Variants in CHCHD3 observed in about 807,000 individuals in gnomAD.
CHCHD3 encodes the protein MICOS complex subunit MIC19.
A neutral mutation model predicts 38.2 loss-of-function variants in CHCHD3; 20 were observed. The ratio of observed to expected loss-of-function variants is 0.52; its 90% confidence interval spans 0.37 to 0.76. The LOEUF (loss-of-function observed/expected upper bound fraction) is 0.76. CHCHD3 is among the 30% of genes least tolerant of loss of function. The pLI is 0.00. For missense variants in CHCHD3, 245 were observed against 279.2 expected (o/e 0.88, Z 0.87); for synonymous variants, 82 against 100.0 (o/e 0.82, Z 1.07).
At chr7:132,958,554 A>G (rs1811235840) in intron 4 of CHCHD3, among the ~76,000 whole-genome samples, 1 of 152,218 alleles carries the variant, frequency 6.6e-6, no homozygotes, top group African/African-American at 2.4e-5. Context: ...ATGTCTCATG[A>G]TATTAAATAC....
chr7:132,825,391 A>G (rs894747864), intron 6 of CHCHD3, among the ~76,000 whole-genome samples: 10 of 152,214 alleles, frequency 6.6e-5, no homozygotes, highest in African/African-American at 2.2e-4. Flanking sequence ...CTCAAGTTCA[A>G]AGACTTCAAA....
chr7:133,035,172 T>A lies in CHCHD3; in HGVS notation c.170-10545A>T. On this transcript the variant is annotated intron_variant, in intron 2 of 7. Transcript: ENST00000262570. This position sits in a 1 kb window ranked among gnomAD's most constrained non-coding sequence, Gnocchi z 4.7. Reference sequence around the variant, plus strand: ...AGCAGGGGCAGCCGCCTTTTTCTCCTCCTTCCGCTCAGCCTGGGGCTTCTG... The same window carrying A: ...AGCAGGGGCAGCCGCCTTTTTCTCCACCTTCCGCTCAGCCTGGGGCTTCTG... The A allele has an allele frequency of 6.2e-7, 1 of 1,613,716 alleles. No homozygotes were observed. The highest frequency in any genetic ancestry group is 8.5e-7 in the Non-Finnish European group (1 of 1,179,674).
At chr7:132,990,443 C>T (rs1812246062) in intron 3 of CHCHD3, among the ~76,000 whole-genome samples, 1 of 152,138 alleles carries the variant, frequency 6.6e-6, no homozygotes, top group South Asian at 2.1e-4. Flanking sequence ...TCAACTCCTC[C>T]CGCAAACAGC....
chr7:132,947,654 T>C (rs1810930901), intron 4 of CHCHD3, among the ~76,000 whole-genome samples: 1 of 152,024 alleles, frequency 6.6e-6, no homozygotes, highest in Admixed American at 6.6e-5. Context: ...GAAAACAATA[T>C]AAATTGATGG....
chr7:132,890,955 A>G (rs1809345185), intron 4 of CHCHD3, among the ~76,000 whole-genome samples: 2 of 152,220 alleles, frequency 1.3e-5, no homozygotes, highest in Non-Finnish European at 2.9e-5. Context: ...TTTCTTGTCA[A>G]AACTACATAT....
chr7:132,902,021 G>A (rs1200694022), intron 4 of CHCHD3, among the ~76,000 whole-genome samples: 3 of 152,004 alleles, frequency 2.0e-5, no homozygotes, highest in African/African-American at 7.2e-5. Flanking sequence ...GTGTAAGGAA[G>A]GGATCCAGTT....
chr7:133,048,137 TA>T (rs1301697860), intron 2 of CHCHD3, among the ~76,000 whole-genome samples: 1 of 150,640 alleles, frequency 6.6e-6, no homozygotes, highest in Non-Finnish European at 1.5e-5. Context: ...GATCCTAGGT[TA>T]AATAAAAAAA....
chr7:132,967,518 C>T (rs1011885761), intron 4 of CHCHD3, among the ~76,000 whole-genome samples: 1 of 151,966 alleles, frequency 6.6e-6, no homozygotes, highest in Non-Finnish European at 1.5e-5. Context: ...TGGCCGGGTG[C>T]TGTGGCTGAC....
chr7:132,826,827 A>G (rs1807520551), intron 6 of CHCHD3, among the ~76,000 whole-genome samples: 1 of 152,214 alleles, frequency 6.6e-6, no homozygotes, highest in Non-Finnish European at 1.5e-5. Flanking sequence ...CTGCCTTTGA[A>G]ATCCCTTTAT....
chr7:133,024,163 T>C (rs1007995741), intron 3 of CHCHD3, among the ~76,000 whole-genome samples: 1 of 152,246 alleles, frequency 6.6e-6, no homozygotes, highest in African/African-American at 2.4e-5. Flanking sequence ...TCACACACGA[T>C]ATTCATCATG....
At chr7:132,850,950 A>G (rs950705097) in intron 5 of CHCHD3, among the ~76,000 whole-genome samples, 5 of 152,100 alleles carry the variant, frequency 3.3e-5, no homozygotes, top group African/African-American at 1.2e-4. Flanking sequence ...TATTTCCTTT[A>G]AATTTCTCTA....
At chr7:133,049,883 A>T (rs183331831) in intron 2 of CHCHD3, among the ~76,000 whole-genome samples, 4 of 152,226 alleles carry the variant, frequency 2.6e-5, no homozygotes, top group African/African-American at 9.6e-5. Context: ...CCTTGGTCAA[A>T]GTCCTTTTTA....
In CHCHD3 at chr7:132,914,776, A is replaced by ACAGATAAT. The variant is rs368655577; in HGVS notation, c.370-29039_370-29032dup. Among the ~76,000 whole-genome samples the ACAGATAAT allele has an allele frequency of 3.0e-3, 460 of 152,308 alleles. 1 individual carries two copies. Among genetic ancestry groups the ACAGATAAT allele is most frequent in the African/African-American group, 0.011 (441 of 41,570 alleles). Reference sequence around the variant, plus strand: ...GTGGGAGGACAGGGACTCTGAAATGACAGATAATCAGATTACCGAAACACA... The same window carrying ACAGATAAT: ...GTGGGAGGACAGGGACTCTGAAATGACAGATAATCAGATAATCAGATTACCGAAACACA... On this transcript the variant is annotated intron_variant, in intron 4 of 7. Coordinates refer to ENST00000262570, the MANE Select transcript of CHCHD3 (RefSeq NM_017812.4).
At chr7:132,876,715 A>G (rs1362735850) in intron 5 of CHCHD3, among the ~76,000 whole-genome samples, 2 of 152,210 alleles carry the variant, frequency 1.3e-5, no homozygotes, top group African/African-American at 4.8e-5. Flanking sequence ...ACAGTAGTCC[A>G]TTCTAAGCTC....
At chr7:132,889,523 T>C (rs564994006) in intron 4 of CHCHD3, among the ~76,000 whole-genome samples, 9 of 152,224 alleles carry the variant, frequency 5.9e-5, no homozygotes, top group African/African-American at 2.2e-4. Flanking sequence ...TGAAAAAGTT[T>C]AAAATAACAT....
At chr7:132,839,061 A>G (rs1807872912) in intron 5 of CHCHD3, among the ~76,000 whole-genome samples, 1 of 152,042 alleles carries the variant, frequency 6.6e-6, no homozygotes, top group Non-Finnish European at 1.5e-5. Flanking sequence ...GCATGGTGGC[A>G]CATGCCTGTA....
At chr7:132,983,774 A>G (rs971634284) in intron 3 of CHCHD3, among the ~76,000 whole-genome samples, 1 of 152,148 alleles carries the variant, frequency 6.6e-6, no homozygotes, top group Non-Finnish European at 1.5e-5. Context: ...GGTAAGTACC[A>G]TAGATTGAGG....
intron 1 of CHCHD3, among the ~76,000 whole-genome samples, chr7:133,076,565 C>G (rs1584690801): frequency 6.6e-6 from 1 of 152,158 alleles, no homozygotes; most frequent in African/African-American, 2.4e-5. Context: ...TTGTGGTACT[C>G]ACCACACCAA....
At chr7:133,030,479 G>A (rs1813469464) in intron 2 of CHCHD3, among the ~76,000 whole-genome samples, 1 of 152,184 alleles carries the variant, frequency 6.6e-6, no homozygotes, top group African/African-American at 2.4e-5. Flanking sequence ...TTAGCACAGT[G>A]AGTTTCCAAG....
Sources: gnomAD v4.1 joint callset for allele counts (sites outside exome capture counted in the v4.1 genomes callset) on GRCh38, gnomAD v4.1.1 for gene constraint, Gnocchi (gnomAD v3.1) non-coding constraint, MANE v1.5 for transcripts, NCBI Gene and HGNC (gene_info 2026-07-23, HGNC 2026-07-21) for gene names.